The following RAB2B variants were observed in gnomAD, a reference collection of about 807,000 sequenced individuals.
The protein encoded by RAB2B is ras-related protein Rab-2B.
RAB2B carries 20 observed loss-of-function variants against 29.8 expected under a neutral mutation model. That is an observed-to-expected ratio of 0.67 (90% confidence interval 0.47 to 0.97). The LOEUF is 0.97. Among genes scored for constraint, RAB2B ranks in the 50% least tolerant of loss-of-function variants. RAB2B has a pLI of 0.00. For synonymous variants in RAB2B, 93 were observed against 91.7 expected (o/e 1.01, Z -0.08); for missense variants, 218 against 272.0 (o/e 0.80, Z 1.40).
Position 21,468,443 on chromosome 14 carries a change from T to G in RAB2B, c.276A>C (p.Glu92Asp). ...ACCATGAGGTCAGGTGGTTGAAGGT[T>G]TCACGCCTACAGCAGAAAAATTTAG... ...ALLVYDITRR[E>D]TFNHLTSWLE... Residue 92 changes from glutamate (E) to aspartate (D), a missense_variant, in exon 5 of 8, where the codon GAA becomes GAC. Glu to Asp is a conservative substitution (Grantham distance 45, BLOSUM62 2). Coordinates refer to ENST00000397762, the MANE Select transcript of RAB2B (RefSeq NM_032846.4). 1 of 1,613,884 alleles carries G rather than the reference T, an allele frequency of 6.2e-7. No individual in the cohort carries two copies. The highest frequency in any genetic ancestry group is 8.5e-7 in the Non-Finnish European group (1 of 1,179,918).
chr14:21,471,346 G>T (rs967537313), intron 3 of RAB2B, among the ~76,000 whole-genome samples: 8 of 151,916 alleles, frequency 5.3e-5, no homozygotes, highest in African/African-American at 1.9e-4. Flanking sequence ...GCTGGGCACC[G>T]TGGGTCATGC....
chr14:21,473,936 C>T lies in RAB2B; in HGVS notation c.186+931G>A, dbSNP rs1396064192. 3.3e-5 allele frequency among the ~76,000 whole-genome samples: 5 copies of T among 152,226 alleles called. No homozygotes were observed. In the East Asian group the frequency reaches 5.8e-4, roughly 18 times the overall value. ...CTGAGACAGGAGAATGGCACGAACC[C>T]GGGAGGCGGAGCTTGCAGTGAGCTG... is the stretch of plus-strand genomic sequence containing the variant. On this transcript the variant is annotated intron_variant, in intron 3 of 7. Transcript: ENST00000397762.
At chr14:21,476,325 T>A (rs1486901997) in intron 2 of RAB2B, 2 of 575,116 alleles carry the variant, frequency 3.5e-6, no homozygotes, top group Non-Finnish European at 6.1e-6. Context: ...TCTAAAAAGT[T>A]ACCTTTCAAT....
intron 3 of RAB2B, 114 bp from the exon 4 acceptor site, chr14:21,468,866 A>G (rs908531274): frequency 1.3e-5 from 7 of 545,148 alleles, no homozygotes; most frequent in African/African-American, 2.0e-5. Flanking sequence ...AAGAATTTCT[A>G]TTACGAAAAG....
chr14:21,464,599 A>C (rs1418310251), intron 5 of RAB2B, among the ~76,000 whole-genome samples: 5 of 152,190 alleles, frequency 3.3e-5, no homozygotes, highest in African/African-American at 1.2e-4. Context: ...GCTTGCCACC[A>C]GGGAATTCAG....
In RAB2B at chr14:21,476,189, G is replaced by T. The variant is rs1173870569; in HGVS notation, c.118+339C>A. 2.2e-5 allele frequency: 5 copies of T among 225,460 alleles called. No individual in the cohort carries two copies. The East Asian group carries it at 4.8e-4, about 22-fold the overall frequency. 14.0% of individuals were successfully genotyped at this position (225,460 alleles called of 1,614,324 possible). A position where few individuals can be genotyped will look rare whatever the true frequency, so the allele number is the denominator to read the frequency against. On this transcript the variant is annotated intron_variant, in intron 2 of 7. Transcript: ENST00000397762. ...TTGGTGTTTACTTTTTAAAAGTAAGGCTGGTATTAATTTACCTCAAAGCAC... is the reference window on the plus strand; with the variant it reads ...TTGGTGTTTACTTTTTAAAAGTAAGTCTGGTATTAATTTACCTCAAAGCAC...
chr14:21,469,704 T>A (rs932279858), intron 3 of RAB2B, among the ~76,000 whole-genome samples: 9 of 152,084 alleles, frequency 5.9e-5, no homozygotes, highest in African/African-American at 9.7e-5. Context: ...CATCCCTACA[T>A]AACAGGAGGT....
At chr14:21,466,632 C>T (rs1890693264) in intron 5 of RAB2B, among the ~76,000 whole-genome samples, 1 of 152,216 alleles carries the variant, frequency 6.6e-6, no homozygotes, top group East Asian at 1.9e-4. Context: ...CACAGTAACA[C>T]TCAACACAAG....
intron 3 of RAB2B, among the ~76,000 whole-genome samples, chr14:21,470,386 G>C (rs1284843342): frequency 6.6e-5 from 10 of 152,038 alleles, no homozygotes; most frequent in Non-Finnish European, 1.3e-4. Context: ...ACAAAAACTT[G>C]TCCTCTTAGC....
At chr14:21,463,845 C>A (rs956805745) in intron 5 of RAB2B, 78 bp from the exon 6 acceptor site, 2 of 956,902 alleles carry the variant, frequency 2.1e-6, no homozygotes, top group Non-Finnish European at 3.2e-6. Context: ...AAAAGAATTC[C>A]GTCGTGGTTT....
rs566983159 is a variant in RAB2B, at chr14:21,473,968, C to T, written c.186+899G>A. ...CGGAGCTTGCAGTGAGCTGAGATCA[C>T]GCCACTGCACTCCAGCCTGGGCAAC... On this transcript the variant is annotated intron_variant, in intron 3 of 7. Transcript: ENST00000397762. Among the ~76,000 whole-genome samples, 5 of 152,098 alleles carry T rather than the reference C, an allele frequency of 3.3e-5. No homozygotes were observed. The East Asian group carries it at 7.7e-4, about 24-fold the overall frequency.
Position 21,463,658 on chromosome 14 carries a change from C to G in RAB2B, c.472G>C (p.Glu158Gln). 1 of 1,604,814 alleles carries G rather than the reference C, an allele frequency of 6.2e-7. No homozygotes were observed. Among genetic ancestry groups the G allele is most frequent in the Non-Finnish European group, 8.5e-7 (1 of 1,171,648 alleles). The change falls in exon 6 of 8, where the codon GAG becomes CAG. Residue 158 changes from glutamate (E) to glutamine (Q), a missense_variant and splice_region_variant. Glu to Gln is a conservative substitution (Grantham distance 29). Coordinates refer to ENST00000397762, the MANE Select transcript of RAB2B (RefSeq NM_032846.4). ...TSAKTACNVE[E>Q]AFINTAKEIY... ...CCCCACTGTTTTCCAAATAGTACCTCTTCAACATTGCAGGCTGTTTTGGCT... is the reference window on the plus strand; with the variant it reads ...CCCCACTGTTTTCCAAATAGTACCTGTTCAACATTGCAGGCTGTTTTGGCT...
intron 2 of RAB2B, 147 bp from the exon 3 acceptor site, chr14:21,475,081 C>G: frequency 1.6e-6 from 1 of 624,192 alleles, no homozygotes; most frequent in Non-Finnish European, 2.8e-6. Flanking sequence ...CTATTTGCTC[C>G]AATTAATTTT....
chr14:21,463,308 G>A (rs547577590), intron 6 of RAB2B, among the ~76,000 whole-genome samples: 9 of 149,636 alleles, frequency 6.0e-5, no homozygotes, highest in Non-Finnish European at 8.9e-5. Context: ...GTGCAGTGGC[G>A]GGATCTCAGT....
In RAB2B at chr14:21,468,430, G is replaced by A. The variant is rs1232651415; in HGVS notation, c.289C>T (p.Leu97=). 3 of 1,613,994 alleles carry A rather than the reference G, an allele frequency of 1.9e-6. No homozygotes were observed. The Admixed American group carries it at 5.0e-5, about 27-fold the overall frequency. ...DITRRETFNH[L]TSWLEDARQH... is the part of the protein sequence containing the mutation. Reference sequence around the variant, plus strand: ...CGGGCATCCTCTAACCATGAGGTCAGGTGGTTGAAGGTTTCACGCCTACAG... The same window carrying A: ...CGGGCATCCTCTAACCATGAGGTCAAGTGGTTGAAGGTTTCACGCCTACAG... The change falls in exon 5 of 8, where the codon CTG becomes TTG. Residue 97 remains leucine, a synonymous_variant. Coordinates refer to ENST00000397762, the MANE Select transcript of RAB2B (RefSeq NM_032846.4).
At chr14:21,462,475 AAG>A in intron 6 of RAB2B, 57 bp from the exon 7 acceptor site, 1 of 1,400,406 alleles carries the variant, frequency 7.1e-7, no homozygotes. Context: ...AAATGAGGGA[AAG>A]AGAATATTAA....
chr14:21,464,840 C>T (rs936306798), intron 5 of RAB2B, among the ~76,000 whole-genome samples: 1 of 151,792 alleles, frequency 6.6e-6, no homozygotes, highest in Non-Finnish European at 1.5e-5. Flanking sequence ...CCTGTCTCTA[C>T]AAAAATTTAA....
intron 3 of RAB2B, chr14:21,474,554 A>T: frequency 3.4e-6 from 1 of 292,042 alleles, no homozygotes. Flanking sequence ...TTTCCCTGCT[A>T]GAGTACCAAC....
At chr14:21,467,047 G>C (rs1440219689) in intron 5 of RAB2B, among the ~76,000 whole-genome samples, 1 of 152,060 alleles carries the variant, frequency 6.6e-6, no homozygotes, top group Non-Finnish European at 1.5e-5. Flanking sequence ...GCTGGGACTA[G>C]AGGTGCGTGC....
Sources: allele counts gnomAD v4.1 joint callset (sites outside exome capture counted in the v4.1 genomes callset), GRCh38; gene constraint gnomAD v4.1.1; transcripts MANE v1.5; gene names NCBI Gene and HGNC (gene_info 2026-07-23, HGNC 2026-07-21).